The following CNTNAP2 variants were observed in gnomAD, a reference collection of about 807,000 sequenced individuals.
CNTNAP2 encodes contactin associated protein 2, also known as contactin-associated protein-like 2.
Under a neutral mutation model 155.2 loss-of-function variants are expected in CNTNAP2, and 98 were observed. The ratio of observed to expected loss-of-function variants is 0.63; its 90% CI spans 0.54 to 0.75. CNTNAP2 has a LOEUF of 0.75. CNTNAP2 is among the 30% of genes least tolerant of loss of function. CNTNAP2 has a pLI of 0.00. For missense variants in CNTNAP2, 1,727 were observed against 1,688.1 expected (o/e 1.02, Z -0.40); for synonymous variants, 651 against 631.2 (o/e 1.03, Z -0.47).
In CNTNAP2 at chr7:147,536,387, A is replaced by G. The variant is rs569672019; in HGVS notation, c.1778-25751A>G. ...TAGTTGGAGAGAAAAAGAAAAGTAA[A>G]TATCATTTCTGGCTGTGATAAATTT... is the stretch of plus-strand genomic sequence containing the variant. On this transcript the variant is annotated intron_variant, in intron 11 of 23. Coordinates refer to ENST00000361727, the MANE Select transcript of CNTNAP2 (RefSeq NM_014141.6). 3.3e-5 allele frequency among the ~76,000 whole-genome samples: 5 copies of G among 152,320 alleles called. No homozygotes were observed. The South Asian group carries it at 1.0e-3, about 32-fold the overall frequency.
At chr7:147,085,940 CAA>C (rs1800267864) in intron 4 of CNTNAP2, 1 of 152,172 alleles carries the variant, frequency 6.6e-6, no homozygotes, top group African/African-American at 2.4e-5. Context: ...CTCTGTAAGT[CAA>C]AGAGTAGCGT....
intron 11 of CNTNAP2, among the ~76,000 whole-genome samples, chr7:147,500,636 C>A (rs1004772315): frequency 6.6e-6 from 1 of 152,084 alleles, no homozygotes; most frequent in South Asian, 2.1e-4. Flanking sequence ...CACACACATA[C>A]CCCCAAATAT....
chr7:147,470,300 GGTAGTGTCTTGGATTAGGGTA>G lies in CNTNAP2; in HGVS notation c.1671-15634_1671-15614del, dbSNP rs1188887965. On this transcript the variant is annotated intron_variant, in intron 10 of 23. Coordinates refer to ENST00000361727, the MANE Select transcript of CNTNAP2 (RefSeq NM_014141.6). ...TAATAGCAGTAGAGATGGTAGCTATGGTAGTGTCTTGGATTAGGGTAATAGCAGTAGAGATGGTAGCTATGA... is the reference window on the plus strand; with the variant it reads ...TAATAGCAGTAGAGATGGTAGCTATGATAGCAGTAGAGATGGTAGCTATGA... Among the ~76,000 whole-genome samples the G allele has an allele frequency of 9.3e-3, 1,407 of 151,140 alleles. 38 individuals carry two copies. The highest frequency in any genetic ancestry group is 0.031 in the Middle Eastern group (9 of 290).
At chr7:147,801,683 C>T (rs1797989675) in intron 13 of CNTNAP2, among the ~76,000 whole-genome samples, 1 of 152,176 alleles carries the variant, frequency 6.6e-6, no homozygotes, top group Non-Finnish European at 1.5e-5. Flanking sequence ...AAGAATTTAT[C>T]TTAGTACAGA....
intron 8 of CNTNAP2, among the ~76,000 whole-genome samples, chr7:147,257,955 T>A (rs1401098243): frequency 6.6e-6 from 1 of 152,218 alleles, no homozygotes; most frequent in East Asian, 1.9e-4. Flanking sequence ...AATATTTGTT[T>A]GATTAAAATG....
chr7:147,671,492 G>A lies in CNTNAP2; in HGVS notation c.2098+32186G>A, dbSNP rs1194461280. On this transcript the variant is annotated intron_variant, in intron 13 of 23. Transcript: ENST00000361727. ...TCATGAAAAGCTGGTGTCCAGTGACGTTTATCTGAGAAAAAGAAATTTTTT... is the reference window on the plus strand; with the variant it reads ...TCATGAAAAGCTGGTGTCCAGTGACATTTATCTGAGAAAAAGAAATTTTTT... Among the ~76,000 whole-genome samples, 16 of 151,826 alleles carry A rather than the reference G, an allele frequency of 1.1e-4. No individual in the cohort carries two copies. The South Asian group carries it at 2.1e-3, about 20-fold the overall frequency.
chr7:146,557,653 G>A (rs1348551223), intron 1 of CNTNAP2, among the ~76,000 whole-genome samples: 2 of 151,196 alleles, frequency 1.3e-5, no homozygotes, highest in East Asian at 3.9e-4. Flanking sequence ...GATCCTACGT[G>A]TCTTAATATT....
Position 146,173,204 on chromosome 7 carries a change from T to C in CNTNAP2, c.97+56231T>C, listed in dbSNP as rs144665357. Among the ~76,000 whole-genome samples, 838 of 152,284 alleles carry C rather than the reference T, an allele frequency of 5.5e-3. 10 individuals are homozygous for C. Among genetic ancestry groups the C allele is most frequent in the African/African-American group, 0.019 (787 of 41,552 alleles). On this transcript the variant is annotated intron_variant, in intron 1 of 23. Transcript: ENST00000361727. ...TATATTTAGTTTTAATTTTGTTCAGTTACCTTAAGCCTTTTTTATCTTATT... is the reference window on the plus strand; with the variant it reads ...TATATTTAGTTTTAATTTTGTTCAGCTACCTTAAGCCTTTTTTATCTTATT...
At chr7:147,915,745 G>T (rs1298196266) in intron 14 of CNTNAP2, among the ~76,000 whole-genome samples, 1 of 149,920 alleles carries the variant, frequency 6.7e-6, no homozygotes, top group Non-Finnish European at 1.5e-5. Flanking sequence ...CAGTGATCTG[G>T]GTGGCGGGCG....
intron 3 of CNTNAP2, among the ~76,000 whole-genome samples, chr7:146,842,682 C>T (rs1161892470): frequency 6.6e-6 from 1 of 151,928 alleles, no homozygotes; most frequent in African/African-American, 2.4e-5. Flanking sequence ...ACGGGGGTGT[C>T]ACATACTTTT....
In CNTNAP2 at chr7:146,413,510, A is replaced by T. The variant is rs540862654; in HGVS notation, c.97+296537A>T. 3.9e-5 allele frequency among the ~76,000 whole-genome samples: 6 copies of T among 152,338 alleles called. No individual in the cohort carries two copies. The South Asian group carries it at 1.2e-3, about 32-fold the overall frequency. On this transcript the variant is annotated intron_variant, in intron 1 of 23. Coordinates refer to ENST00000361727, the MANE Select transcript of CNTNAP2 (RefSeq NM_014141.6). ...AACAATATAAACAAAGCTCGAGATC[A>T]TCTGGGCAGGTTGAAAATAGCTTCA...
chr7:147,071,226 A>G (rs1298352732), intron 4 of CNTNAP2, among the ~76,000 whole-genome samples: 2 of 152,052 alleles, frequency 1.3e-5, no homozygotes, highest in Non-Finnish European at 2.9e-5. Flanking sequence ...GAAATTTTCA[A>G]GCAATGTTTT....
At chr7:147,063,216 T>C (rs975859229) in intron 4 of CNTNAP2, among the ~76,000 whole-genome samples, 1 of 152,200 alleles carries the variant, frequency 6.6e-6, no homozygotes, top group African/African-American at 2.4e-5. Flanking sequence ...TAAGGTAACA[T>C]GTACGTTTTC....
rs192754540 is a variant in CNTNAP2 at position 146,369,536 on chromosome 7, T to A, written c.97+252563T>A. Among the ~76,000 whole-genome samples, 3 of 152,314 alleles carry A rather than the reference T, an allele frequency of 2.0e-5. No homozygotes were observed. The East Asian group carries it at 5.8e-4, about 29-fold the overall frequency. ...TAGGAATTTACGTTTTCAGTTAAAA[T>A]GTATAACAGTTCTTGTTATATAAAA... On this transcript the variant is annotated intron_variant, in intron 1 of 23. Transcript: ENST00000361727.
chr7:146,966,971 G>T (rs916934634), intron 3 of CNTNAP2, among the ~76,000 whole-genome samples: 1 of 152,162 alleles, frequency 6.6e-6, no homozygotes, highest in Non-Finnish European at 1.5e-5. Flanking sequence ...GCAGCCAAAA[G>T]GAAGTGAAGC....
chr7:148,052,155 A>G (rs1802904706), intron 15 of CNTNAP2, among the ~76,000 whole-genome samples: 2 of 151,898 alleles, frequency 1.3e-5, no homozygotes, highest in South Asian at 2.1e-4. Flanking sequence ...AAAAAAAAAA[A>G]AAAAGCCCTT....
At chr7:147,954,208 G>A (rs1470091280) in intron 14 of CNTNAP2, among the ~76,000 whole-genome samples, 2 of 152,066 alleles carry the variant, frequency 1.3e-5, no homozygotes, top group African/African-American at 2.4e-5. Flanking sequence ...TTTGCATCAT[G>A]CAACATAACT....
At chr7:146,823,208 T>C (rs1233127804) in intron 2 of CNTNAP2, among the ~76,000 whole-genome samples, 1 of 149,778 alleles carries the variant, frequency 6.7e-6, no homozygotes. Flanking sequence ...CTTCAGTATA[T>C]TTAAATATGA....
chr7:148,041,157 C>T (rs2116478447), intron 15 of CNTNAP2, among the ~76,000 whole-genome samples: 1 of 152,282 alleles, frequency 6.6e-6, no homozygotes, highest in East Asian at 1.9e-4. Context: ...TGGGAAGGGA[C>T]ATTCATACTT....
Sources: allele counts gnomAD v4.1 joint callset (sites outside exome capture counted in the v4.1 genomes callset), GRCh38; gene constraint gnomAD v4.1.1; transcripts MANE v1.5; gene names NCBI Gene and HGNC (gene_info 2026-07-23, HGNC 2026-07-21).